The following RPL5 variants were observed in gnomAD, a reference collection of about 807,000 sequenced individuals.
The protein encoded by RPL5 is large ribosomal subunit protein uL18.
Under a neutral mutation model 38.4 loss-of-function variants are expected in RPL5, and 1 was observed. The ratio of observed to expected loss-of-function variants is 0.03; its 90% CI spans 0.01 to 0.12. RPL5 has a LOEUF of 0.12. Among genes scored for constraint, RPL5 ranks in the 10% least tolerant of loss-of-function variants. RPL5 has a pLI of 1.00. For missense variants in RPL5, 243 were observed against 374.1 expected (o/e 0.65, Z 2.89); for synonymous variants, 109 against 121.2 (o/e 0.90, Z 0.66).
Position 92,837,472 on chromosome 1 carries a change from G to A in RPL5, c.544G>A (p.Gly182Ser). 1 of 1,613,286 alleles carries A rather than the reference G, an allele frequency of 6.2e-7. No homozygotes were observed. Among genetic ancestry groups the A allele is most frequent in the Non-Finnish European group, 8.5e-7 (1 of 1,179,782 alleles). ...SIPHSTKRFP[G>S]YDSESKEFNA... ...TTATTTTAGTACCAAACGATTCCCT[G>A]GTTATGATTCTGAAAGCAAGGAATT... The change falls in exon 6 of 8, where the codon GGT becomes AGT. Residue 182 changes from glycine (G) to serine (S), a missense_variant. Coordinates refer to ENST00000370321, the MANE Select transcript of RPL5 (RefSeq NM_000969.5).
intron 7 of RPL5, among the ~76,000 whole-genome samples, chr1:92,841,424 G>T (rs1304000879): frequency 6.6e-6 from 1 of 152,084 alleles, no homozygotes; most frequent in Non-Finnish European, 1.5e-5. Flanking sequence ...TTTATCTGTT[G>T]CTATTAATAT....
rs1686942838 is a variant in RPL5 at position 92,832,360 on chromosome 1, G to A, written c.3+243G>A. The A allele has an allele frequency of 9.2e-6, 6 of 652,896 alleles. No individual in the cohort carries two copies. The Admixed American group carries it at 1.4e-4, about 15-fold the overall frequency. 40.4% of individuals were successfully genotyped at this position (652,896 alleles called of 1,614,324 possible). On this transcript the variant is annotated intron_variant, in intron 1 of 7. Transcript: ENST00000370321. ...GCTTGGACGGCGGATTGGGGAGAAG[G>A]GTGAGTTTAGTAGACAGCCTGAGTG... is the stretch of plus-strand genomic sequence containing the variant.
intron 6 of RPL5, 56 bp from the exon 7 acceptor site, chr1:92,840,495 A>G: frequency 7.9e-7 from 1 of 1,262,800 alleles, no homozygotes; most frequent in South Asian, 1.2e-5. Context: ...TGGTTGCATT[A>G]ATATAGTAGG....
intron 5 of RPL5, chr1:92,837,152 G>A: frequency 2.1e-6 from 1 of 485,352 alleles, no homozygotes; most frequent in Non-Finnish European, 3.9e-6. Context: ...AAAGGATTTA[G>A]AGTATAAGTT....
chr1:92,833,218 T>C (rs1686981107), intron 1 of RPL5, 171 bp from the exon 2 acceptor site: 2 of 656,144 alleles, frequency 3.0e-6, no homozygotes, highest in Admixed American at 5.2e-5. Context: ...ACATGGAAGG[T>C]AGAGGAAAAA....
Position 92,833,259 on chromosome 1 carries a change from G to A in RPL5, c.4-130G>A. On this transcript the variant is annotated intron_variant, in intron 1 of 7. Transcript: ENST00000370321. The stretch of plus-strand genomic sequence containing the variant: ...TTGACCCTAGTTGCTTGTGAAACCT[G>A]GGATTCTACAAGTGACAGTTGTCTG... The A allele has an allele frequency of 3.9e-6, 3 of 762,806 alleles. No individual in the cohort carries two copies. The South Asian group carries it at 4.8e-5, about 12-fold the overall frequency. The allele number at this position is 762,806 out of a possible 1,614,324, so 47.3% of individuals were successfully genotyped here.
chr1:92,837,235 T>A (rs1687165201), intron 5 of RPL5: 1 of 729,172 alleles, frequency 1.4e-6, no homozygotes, highest in Admixed American at 1.8e-5. Flanking sequence ...TAATGGCTTT[T>A]AAAGGTTTTT....
intron 4 of RPL5, among the ~76,000 whole-genome samples, chr1:92,835,660 CAAAAA>C (rs11417383): frequency 8.1e-5 from 10 of 123,402 alleles, no homozygotes; most frequent in Non-Finnish European, 1.6e-4. Flanking sequence ...AACTGTGTCT[CAAAAA>C]AAAAAAAAAA....
chr1:92,841,330 T>C (rs938872242), intron 7 of RPL5, among the ~76,000 whole-genome samples: 2 of 152,234 alleles, frequency 1.3e-5, no homozygotes, highest in Non-Finnish European at 2.9e-5. Flanking sequence ...ACTTCATTCA[T>C]GTTGCAAATG....
chr1:92,835,368 CT>C (rs1687076633), intron 4 of RPL5: 1 of 230,656 alleles, frequency 4.3e-6, no homozygotes, highest in African/African-American at 2.3e-5. Context: ...ACTGGAGAAT[CT>C]TGGCTAGGCG....
chr1:92,834,797 G>A lies in RPL5; in HGVS notation c.208G>A (p.Glu70Lys), dbSNP rs1231286148. Residue 70 changes from glutamate (E) to lysine (K), a missense_variant, in exon 4 of 8, where the codon GAG (glutamate) becomes AAG (lysine). Glu to Lys is a moderately conservative substitution (Grantham distance 56, BLOSUM62 1). Transcript: ENST00000370321. ...ACTATAGATTGCTTATGCCCGTATA[G>A]AGGGGGATATGATAGTCTGCGCAGC... ...IICQIAYARI[E>K]GDMIVCAAYA... The A allele has an allele frequency of 1.9e-6, 3 of 1,613,300 alleles. No homozygotes were observed. The highest frequency in any genetic ancestry group is 1.7e-4 in the Middle Eastern group (1 of 5,838).
intron 7 of RPL5, 56 bp from the exon 8 acceptor site, chr1:92,841,710 A>G: frequency 9.3e-7 from 1 of 1,071,944 alleles, no homozygotes; most frequent in Non-Finnish European, 1.3e-6. Context: ...TTTTAAATTA[A>G]ATATTCTATT....
intron 4 of RPL5, among the ~76,000 whole-genome samples, chr1:92,835,747 C>G (rs937361945): frequency 6.6e-6 from 1 of 150,804 alleles, no homozygotes; most frequent in Non-Finnish European, 1.5e-5. Context: ...AACATTTTTC[C>G]TGGTAGATGA....
At chr1:92,837,388 A>G (rs2100687977) in intron 5 of RPL5, 68 bp from the exon 6 acceptor site, 1 of 1,360,360 alleles carries the variant, frequency 7.4e-7, no homozygotes, top group East Asian at 2.3e-5. Flanking sequence ...GGCAGCTACT[A>G]AAGTAAATTC....
In RPL5 at chr1:92,836,307, G is replaced by A. The variant is rs570656717; in HGVS notation, c.442G>A (p.Ala148Thr). 2 of 1,614,172 alleles carry A rather than the reference G, an allele frequency of 1.2e-6. No individual in the cohort carries two copies. Among genetic ancestry groups the A allele is most frequent in the South Asian group, 2.2e-5 (2 of 91,084 alleles). Residue 148 changes from alanine (A) to threonine (T), a missense_variant, in exon 5 of 8, where the codon GCA (alanine) becomes ACA (threonine). Coordinates refer to ENST00000370321, the MANE Select transcript of RPL5 (RefSeq NM_000969.5). ...AGGTGCCTTCACCTGCTATTTGGATGCAGGCCTTGCCAGAACTACCACTGG... is the reference window on the plus strand; with the variant it reads ...AGGTGCCTTCACCTGCTATTTGGATACAGGCCTTGCCAGAACTACCACTGG... ...QPGAFTCYLD[A>T]GLARTTTGNK...
At chr1:92,833,111 A>ATT (rs1686974691) in intron 1 of RPL5, 1 of 690,714 alleles carries the variant, frequency 1.4e-6, no homozygotes, top group South Asian at 1.5e-5. Flanking sequence ...TATACCTGTT[A>ATT]AATGTAATAA....
chr1:92,832,240 GACTTGGTCGAGGTGCA>G (rs918188409), intron 1 of RPL5, 123 bp downstream of exon 1: 223 of 1,484,284 alleles, frequency 1.5e-4, no homozygotes, highest in Non-Finnish European at 2.0e-4. Context: ...TGCTAGCTCT[GACTTGGTCGAGGTGCA>G]GTTCCCAGCG....
intron 6 of RPL5, among the ~76,000 whole-genome samples, chr1:92,839,281 C>G (rs1315449268): frequency 2.6e-5 from 4 of 152,142 alleles, no homozygotes; most frequent in African/African-American, 9.7e-5. Flanking sequence ...ATTGCTTGAA[C>G]CCTGGAGGTG....
At chr1:92,836,939 G>T in intron 5 of RPL5, 1 of 228,338 alleles carries the variant, frequency 4.4e-6, no homozygotes, top group Non-Finnish European at 8.8e-6. Flanking sequence ...AACTTCTTAG[G>T]AATATTTTAG....
Sources: gnomAD v4.1 joint callset for allele counts (sites outside exome capture counted in the v4.1 genomes callset) on GRCh38, gnomAD v4.1.1 for gene constraint, MANE v1.5 for transcripts, NCBI Gene and HGNC (gene_info 2026-07-23, HGNC 2026-07-21) for gene names.